Variants in CCNB3 observed in about 807,000 individuals in gnomAD.
CCNB3 encodes G2/mitotic-specific cyclin-B3.
In CCNB3, 12 loss-of-function variants were observed where a neutral mutation model predicts 68.0. The ratio of observed to expected loss-of-function variants is 0.18; its 90% confidence interval spans 0.11 to 0.29. CCNB3 has a LOEUF of 0.29. Ranked by LOEUF, CCNB3 falls within the 10% of genes least tolerant of loss-of-function variation. The probability of loss-of-function intolerance (pLI) is 1.00; values close to 1 mark genes in which losing one functional copy is unlikely to be tolerated. For synonymous variants in CCNB3, 354 were observed against 388.9 expected (o/e 0.91, Z 1.06); for missense variants, 904 against 993.1 (o/e 0.91, Z 1.21).
At chrX:50,228,213 A>G (rs1005942768) in intron 1 of CCNB3, among the ~76,000 whole-genome samples, 86 of 90,059 alleles carry the variant, frequency 9.5e-4, no homozygotes, top group Non-Finnish European at 1.5e-3. Flanking sequence ...ATACTTATAC[A>G]TAGAATACAT....
At chrX:50,215,032 C>T (rs1158966243) in intron 1 of CCNB3, among the ~76,000 whole-genome samples, 1 of 110,489 alleles carries the variant, frequency 9.1e-6, no homozygotes, top group Non-Finnish European at 1.9e-5. Flanking sequence ...CTCTGTCGCC[C>T]GGGCTGGAGG....
intron 8 of CCNB3, among the ~76,000 whole-genome samples, chrX:50,326,808 T>A: frequency 9.0e-6 from 1 of 111,705 alleles, no homozygotes; most frequent in Non-Finnish European, 1.9e-5. Flanking sequence ...TCTTCAGGAT[T>A]TTTCTCCTTT....
chrX:50,228,338 TATAC>T (rs1407704362), intron 1 of CCNB3, among the ~76,000 whole-genome samples: 1 of 93,399 alleles, frequency 1.1e-5, no homozygotes, highest in African/African-American at 3.8e-5. Context: ...AGAGAATATA[TATAC>T]ATACATATAT....
rs146520425 is a variant in CCNB3 at position 50,209,307 on chromosome X, C to T, written c.-113+4357C>T. ...TTGTTAAGAACACTTAACATGATAT[C>T]GACCCTCTTAACAAATTTTGTAGTG... On this transcript the variant is annotated intron_variant, in intron 1 of 12. Transcript: ENST00000376042. Among the ~76,000 whole-genome samples the T allele has an allele frequency of 6.9e-3, 770 of 111,102 alleles. 8 individuals carry two copies. The highest frequency in any genetic ancestry group is 0.024 in the African/African-American group (724 of 30,547).
chrX:50,216,026 G>A (rs1935565442), intron 1 of CCNB3, among the ~76,000 whole-genome samples: 3 of 93,564 alleles, frequency 3.2e-5, no homozygotes, highest in Non-Finnish European at 6.1e-5. Context: ...TCGGCTCACT[G>A]CAACCTCCAC....
chrX:50,330,339 G>C (rs1373608271), intron 8 of CCNB3, among the ~76,000 whole-genome samples: 1 of 111,496 alleles, frequency 9.0e-6, no homozygotes, highest in African/African-American at 3.3e-5. Flanking sequence ...TTAACTACCA[G>C]GCCTGGAATG....
chrX:50,281,886 C>T (rs1421104124), intron 1 of CCNB3, among the ~76,000 whole-genome samples: 1 of 111,050 alleles, frequency 9.0e-6, no homozygotes, highest in Non-Finnish European at 1.9e-5. Context: ...TGTCCTCACT[C>T]TATTGTTAAC....
At chrX:50,222,543 T>A (rs2146987836) in intron 1 of CCNB3, among the ~76,000 whole-genome samples, 1 of 111,809 alleles carries the variant, frequency 8.9e-6, no homozygotes, top group South Asian at 3.8e-4. Context: ...TTTGGCTGGA[T>A]ATGAAATTCT....
intron 1 of CCNB3, among the ~76,000 whole-genome samples, chrX:50,228,386 A>G (rs1184222739): frequency 2.3e-5 from 2 of 87,676 alleles, no homozygotes; most frequent in African/African-American, 8.0e-5. Flanking sequence ...TAGAGGATAT[A>G]TCTACATAAA....
intron 8 of CCNB3, among the ~76,000 whole-genome samples, chrX:50,320,232 C>G (rs1557216386): frequency 9.0e-6 from 1 of 111,381 alleles, no homozygotes; most frequent in Admixed American, 9.6e-5. Flanking sequence ...GTAGAATTTG[C>G]AAGCGAAAAC....
intron 4 of CCNB3, 73 bp downstream of exon 4, chrX:50,288,960 T>A (rs1366459667): frequency 1.3e-5 from 9 of 676,867 alleles, no homozygotes; most frequent in Non-Finnish European, 1.8e-5. Context: ...GAGGGACCTT[T>A]CCACTTTACC....
chrX:50,348,077 C>G (rs1460309202), intron 11 of CCNB3, among the ~76,000 whole-genome samples: 2 of 111,483 alleles, frequency 1.8e-5, no homozygotes, highest in Non-Finnish European at 3.8e-5. Context: ...TAGTGTGACC[C>G]TACTTCTTAT....
intron 1 of CCNB3, among the ~76,000 whole-genome samples, chrX:50,226,468 A>T (rs1462531326): frequency 2.0e-4 from 13 of 63,630 alleles, no homozygotes; most frequent in Non-Finnish European, 2.7e-5. Context: ...ATATATATAG[A>T]ATATATATAA....
At chrX:50,347,811 A>G in intron 11 of CCNB3, 36 bp downstream of exon 11, 9 of 1,176,152 alleles carry the variant, frequency 7.7e-6, no homozygotes, top group Non-Finnish European at 1.1e-6. Flanking sequence ...AGGGGTAGAG[A>G]TTTAAAAAGC....
chrX:50,228,921 A>C (rs1280553735), intron 1 of CCNB3, among the ~76,000 whole-genome samples: 2 of 42,600 alleles, frequency 4.7e-5, no homozygotes, highest in Non-Finnish European at 8.0e-5. Flanking sequence ...GAATATATAT[A>C]AATACATATA....
intron 1 of CCNB3, among the ~76,000 whole-genome samples, chrX:50,279,060 AATATATTTATAGAACATATATAAAT>A (rs1456093622): frequency 3.4e-5 from 2 of 59,324 alleles, no homozygotes; most frequent in Non-Finnish European, 5.5e-5. Flanking sequence ...ATATATATAG[AATATATTTATAGAACATATATAAAT>A]ATATATTAAT....
chrX:50,285,038 C>A, intron 2 of CCNB3, 89 bp from the exon 3 acceptor site: 2 of 518,321 alleles, frequency 3.9e-6, no homozygotes, highest in Non-Finnish European at 3.4e-6. Flanking sequence ...CCTAGGGATG[C>A]TATAGATAGA....
intron 8 of CCNB3, among the ~76,000 whole-genome samples, chrX:50,319,156 G>A (rs1174882811): frequency 9.0e-6 from 1 of 110,873 alleles, no homozygotes; most frequent in Non-Finnish European, 1.9e-5. Context: ...TATATGCTAA[G>A]TCCTATGAGC....
chrX:50,206,653 A>G (rs1269041644), intron 1 of CCNB3, among the ~76,000 whole-genome samples: 3 of 110,555 alleles, frequency 2.7e-5, no homozygotes, highest in Non-Finnish European at 5.7e-5. Flanking sequence ...TCACTCTTGT[A>G]ATTCCAGCAC....
Sources: allele counts gnomAD v4.1 joint callset (sites outside exome capture counted in the v4.1 genomes callset), GRCh38; gene constraint gnomAD v4.1.1; transcripts MANE v1.5; gene names NCBI Gene and HGNC (gene_info 2026-07-23, HGNC 2026-07-21).